Variants in MIF4GD observed in about 807,000 individuals in gnomAD.
MIF4GD encodes the protein MIF4G domain-containing protein.
A neutral mutation model predicts 26.7 loss-of-function variants in MIF4GD; 22 were observed. The observed-to-expected ratio is 0.82, with a 90% CI of 0.59 to 1.18. MIF4GD has a LOEUF of 1.18. Ranked by LOEUF, MIF4GD falls within the 50% of genes most tolerant of loss-of-function variation. MIF4GD has a pLI of 0.00. For missense variants in MIF4GD, 262 were observed against 279.6 expected, an observed-to-expected ratio of 0.94 and a Z score of 0.45; for synonymous variants, 137 against 111.6, an observed-to-expected ratio of 1.23 and a Z score of -1.43.
rs769187304 is a variant in MIF4GD, at chr17:75,269,353, A to G, written c.82+761T>C. The G allele has an allele frequency of 5.0e-6, 8 of 1,613,926 alleles. No individual in the cohort carries two copies. The Admixed American group carries it at 1.3e-4, about 27-fold the overall frequency. ...TTATTAGTTGAAGACAAACCTCTGT[A>G]CTGCGTGTTACAGCGGGAAGGCATC... is the stretch of plus-strand genomic sequence containing the variant. On this transcript the variant is annotated intron_variant, in intron 2 of 5. Coordinates refer to ENST00000325102, the MANE Select transcript of MIF4GD (RefSeq NM_001370592.1).
chr17:75,270,218 T>C lies in MIF4GD; in HGVS notation c.-23A>G, dbSNP rs1315298247. 5 of 1,596,704 alleles carry C rather than the reference T, an allele frequency of 3.1e-6. No individual in the cohort carries two copies. The highest frequency in any genetic ancestry group is 2.2e-5 in the East Asian group (1 of 44,782). On this transcript the variant is annotated 5_prime_UTR_variant, in exon 2 of 6. Coordinates refer to ENST00000325102, the MANE Select transcript of MIF4GD (RefSeq NM_001370592.1). This position sits in a 1 kb window ranked among gnomAD's most constrained non-coding sequence, Gnocchi z 5.7. ...CATGACTAGCCAGCCCCGGTAGCTC[T>C]TGACTGGGCTGGGAATAAGGACAGC...
Position 75,270,482 on chromosome 17 carries a change from A to G in MIF4GD, c.-50-237T>C, listed in dbSNP as rs1163784672. 2.7e-6 allele frequency: 1 copy of G among 368,804 alleles called. No homozygotes were observed. Among genetic ancestry groups the G allele is most frequent in the East Asian group, 6.0e-5 (1 of 16,624 alleles). The allele number at this position is 368,804 out of a possible 1,614,324, so 22.8% of individuals were successfully genotyped here. On this transcript the variant is annotated intron_variant, in intron 1 of 5. Transcript: ENST00000325102. The surrounding 1 kb of genome is among the most constrained non-coding windows in gnomAD (Gnocchi z 5.7). Reference sequence around the variant, plus strand: ...GCTTGTGGGATTACACAAGAGCGAGAAGCTGAAGCAGGAAAGCGCCCACCC... The same window carrying G: ...GCTTGTGGGATTACACAAGAGCGAGGAGCTGAAGCAGGAAAGCGCCCACCC...
chr17:75,267,938 C>G (rs777207640), intron 3 of MIF4GD, 37 bp from the exon 4 acceptor site: 1 of 1,601,618 alleles, frequency 6.2e-7, no homozygotes, highest in Non-Finnish European at 8.5e-7. Flanking sequence ...GGGTGGGGGG[C>G]GGTGCCCCTG....
At position 75,271,124 on chromosome 17, in the gene MIF4GD, G is replaced by C. The variant is rs1482863199; in HGVS notation, c.-51+20C>G. ...CAGGGTCCCGCGGGCGGGAGAGGCG[G>C]CGTGGGAGCCGGGACCCACCTGCCG... is the stretch of plus-strand genomic sequence containing the variant. On this transcript the variant is annotated intron_variant, in intron 1 of 5. Transcript: ENST00000325102. This position sits in a 1 kb window ranked among gnomAD's most constrained non-coding sequence, Gnocchi z 4.2. 2.0e-5 allele frequency: 3 copies of C among 150,040 alleles called. No individual in the cohort carries two copies. Among genetic ancestry groups the C allele is most frequent in the African/African-American group, 7.3e-5 (3 of 41,238 alleles). The allele number at this position is 150,040 out of a possible 1,614,324, so 9.3% of individuals were successfully genotyped here. A position where few individuals can be genotyped will look rare whatever the true frequency, so the allele number is the denominator to read the frequency against.
In MIF4GD at chr17:75,267,885, G is replaced by GC; in HGVS notation, c.208dup (p.Ala70GlyfsTer44). ...TCCACGTCGGAAGACACTCTGGCCTGCTTGTTTACTCTCTGCCTGTGAGCC... is the reference window on the plus strand; with the variant it reads ...TCCACGTCGGAAGACACTCTGGCCTGCCTTGTTTACTCTCTGCCTGTGAGCC... On this transcript the variant is annotated frameshift_variant, in exon 4 of 6. Coordinates refer to ENST00000325102, the MANE Select transcript of MIF4GD (RefSeq NM_001370592.1). LOFTEE classifies it high-confidence loss of function. 1 of 1,612,792 alleles carries GC rather than the reference G, an allele frequency of 6.2e-7. No homozygotes were observed. Among genetic ancestry groups the GC allele is most frequent in the Non-Finnish European group, 8.5e-7 (1 of 1,179,604 alleles).
rs1360557586 is a variant in MIF4GD, at chr17:75,268,199, G to A, written c.83-7C>T. On this transcript the variant is annotated splice_region_variant and splice_polypyrimidine_tract_variant and intron_variant, in intron 2 of 5. Transcript: ENST00000325102. The stretch of plus-strand genomic sequence containing the variant: ...AAGTCCACAGCACCCGGATCTAGGG[G>A]TAGAGATAGGAGGGGAGTCTAGAGC... 4.3e-6 allele frequency: 7 copies of A among 1,609,854 alleles called. No homozygotes were observed. Among genetic ancestry groups the A allele is most frequent in the African/African-American group, 1.3e-5 (1 of 74,944 alleles).
In MIF4GD at chr17:75,267,727, G is replaced by T. The variant is rs747551370; in HGVS notation, c.348+19C>A. 3 of 1,612,190 alleles carry T rather than the reference G, an allele frequency of 1.9e-6. No individual in the cohort carries two copies. Among genetic ancestry groups the T allele is most frequent in the Middle Eastern group, 1.7e-4 (1 of 6,054 alleles). On this transcript the variant is annotated intron_variant, in intron 4 of 5. Coordinates refer to ENST00000325102, the MANE Select transcript of MIF4GD (RefSeq NM_001370592.1). The stretch of plus-strand genomic sequence containing the variant: ...AAACAGGCCATGTCTGCCTCCCAGG[G>T]TGGCTGCCGGGGCCTCACCCTCAGG...
Position 75,266,739 on chromosome 17 carries a change from C to T in MIF4GD, c.*1G>A, listed in dbSNP as rs1567819404. 6.2e-7 allele frequency: 1 copy of T among 1,614,132 alleles called. No homozygotes were observed. The highest frequency in any genetic ancestry group is 2.2e-5 in the East Asian group (1 of 44,888). On this transcript the variant is annotated 3_prime_UTR_variant, in exon 6 of 6. Transcript: ENST00000325102. ...TGGTGAGGAAGCCCTGATCTGGAGG[C>T]CTAGTCGGAGACTTCGCTGTAGTAA...
At chr17:75,268,239 A>G (rs1220370444) in intron 2 of MIF4GD, 47 bp from the exon 3 acceptor site, 1 of 1,411,202 alleles carries the variant, frequency 7.1e-7, no homozygotes, top group Non-Finnish European at 1.0e-6. Context: ...GCTTTATCAC[A>G]TTTGTGTCCA....
At position 75,267,595 on chromosome 17, in the gene MIF4GD, A is replaced by C; in HGVS notation, c.384T>G (p.Pro128=). 1 of 1,614,218 alleles carries C rather than the reference A, an allele frequency of 6.2e-7. No homozygotes were observed. The highest frequency in any genetic ancestry group is 2.2e-5 in the East Asian group (1 of 44,882). ...NNMPMMALVN[P]VYDCLFRLAQ... ...CCAGCCGGAAGAGGCAGTCATAGAC[A>C]GGGTTCACCAGGGCCATCATGGGCA... Residue 128 remains proline, a synonymous_variant, in exon 5 of 6, where the codon CCT becomes CCG. Coordinates refer to ENST00000325102, the MANE Select transcript of MIF4GD (RefSeq NM_001370592.1).
rs2077712311 is a variant in MIF4GD at position 75,270,906 on chromosome 17, C to CG, written c.-51+237_-51+238insC. On this transcript the variant is annotated intron_variant, in intron 1 of 5. Transcript: ENST00000325102. This position sits in a 1 kb window ranked among gnomAD's most constrained non-coding sequence, Gnocchi z 5.7. The stretch of plus-strand genomic sequence containing the variant: ...ACCCGGCCCTACGCACTCGAGACTC[C>CG]TAATTCCTGAGCTCCATTCTGGAGC... 6.6e-6 allele frequency: 1 copy of CG among 152,406 alleles called. No homozygotes were observed. Among genetic ancestry groups the CG allele is most frequent in the African/African-American group, 2.4e-5 (1 of 41,468 alleles). The allele number at this position is 152,406 out of a possible 1,614,324, so 9.4% of individuals were successfully genotyped here.
Position 75,268,129 on chromosome 17 carries a change from C to G in MIF4GD, c.146G>C (p.Cys49Ser), listed in dbSNP as rs746812644. 1.2e-6 allele frequency: 2 copies of G among 1,614,246 alleles called. No homozygotes were observed. The highest frequency in any genetic ancestry group is 3.3e-5 in the Admixed American group (2 of 60,032). ...NVIVDHSLQDCVFSKEAGRMC... is the reference protein window; with the variant it reads ...NVIVDHSLQDSVFSKEAGRMC... ...GCGTCCTGCTTCCTTGCTGAACACACAGTCCTGCAGAGAATGGTCCACAAT... is the reference window on the plus strand; with the variant it reads ...GCGTCCTGCTTCCTTGCTGAACACAGAGTCCTGCAGAGAATGGTCCACAAT... Residue 49 changes from cysteine to serine, a missense_variant, in exon 3 of 6, where the codon TGT becomes TCT. Coordinates refer to ENST00000325102, the MANE Select transcript of MIF4GD (RefSeq NM_001370592.1).
In MIF4GD at chr17:75,266,879, A is replaced by C. The variant is rs780889452; in HGVS notation, c.530T>G (p.Ile177Ser). ...AGTTGGGAGCAGGAAGCCATCCCGG[A>C]TCAGCACAAAGAGCTCATCCATGCG... Reference protein sequence around the residue: ...GQRMDELFVLIRDGFLLPTGL... With the variant: ...GQRMDELFVLSRDGFLLPTGL... The change falls in exon 6 of 6, where the codon ATC becomes AGC. Residue 177 changes from isoleucine (I) to serine (S), a missense_variant. Transcript: ENST00000325102. 1 of 1,614,164 alleles carries C rather than the reference A, an allele frequency of 6.2e-7. No individual in the cohort carries two copies. The highest frequency in any genetic ancestry group is 2.2e-5 in the East Asian group (1 of 44,876).
At position 75,267,831 on chromosome 17, in the gene MIF4GD, T is replaced by C; in HGVS notation, c.263A>G (p.Gln88Arg). The C allele has an allele frequency of 6.2e-7, 1 of 1,614,046 alleles. No individual in the cohort carries two copies. The highest frequency in any genetic ancestry group is 8.5e-7 in the Non-Finnish European group (1 of 1,180,016). The stretch of plus-strand genomic sequence containing the variant: ...GCGTGCTCGCAGCTGCTCCCGAGCC[T>C]GGTACTCCTGCTGCAGCCGGTTGAG... ...GLLNRLQQEY[Q>R]AREQLRARSL... The change falls in exon 4 of 6, where the codon CAG (glutamine) becomes CGG (arginine). Residue 88 changes from glutamine to arginine, a missense_variant. Gln to Arg is a conservative substitution (Grantham distance 43, BLOSUM62 1). Coordinates refer to ENST00000325102, the MANE Select transcript of MIF4GD (RefSeq NM_001370592.1).
chr17:75,270,175 C>G lies in MIF4GD; in HGVS notation c.21G>C (p.Glu7Asp), dbSNP rs771329002. The change falls in exon 2 of 6, where the codon GAG (glutamate) becomes GAC (aspartate). Residue 7 changes from glutamate to aspartate, a missense_variant. Glu to Asp is a conservative substitution (Grantham distance 45). Transcript: ENST00000325102. The surrounding 1 kb of genome is among the most constrained non-coding windows in gnomAD (Gnocchi z 5.7). ...CATCAAAGGACTGGATTTTATACTC[C>G]TCTCTACTGGGCTCCCCCATGACTA... The part of the protein sequence containing the change: MGEPSR[E>D]EYKIQSFDAE... 3 of 1,613,970 alleles carry G rather than the reference C, an allele frequency of 1.9e-6. No individual in the cohort carries two copies. The highest frequency in any genetic ancestry group is 1.7e-5 in the Admixed American group (1 of 60,006).
rs540301381 is a variant in MIF4GD at position 75,268,941 on chromosome 17, T to G, written c.83-749A>C. On this transcript the variant is annotated intron_variant, in intron 2 of 5. Coordinates refer to ENST00000325102, the MANE Select transcript of MIF4GD (RefSeq NM_001370592.1). ...ATTGCTTGAACCTGGGAGGCGGAGG[T>G]TGCAGTGAGCCAAGATCGTGCCATT... Among the ~76,000 whole-genome samples the G allele has an allele frequency of 2.0e-5, 3 of 151,218 alleles. No homozygotes were observed. The South Asian group carries it at 6.3e-4, about 32-fold the overall frequency.
At chr17:75,269,330 A>G (rs1297365070) in intron 2 of MIF4GD, 1 of 1,612,802 alleles carries the variant, frequency 6.2e-7, no homozygotes, top group Admixed American at 1.7e-5. Flanking sequence ...GTTGCTAATT[A>G]TTAGTTGAAG....
intron 2 of MIF4GD, among the ~76,000 whole-genome samples, chr17:75,268,872 C>T (rs1390922265): frequency 5.3e-5 from 8 of 149,642 alleles, no homozygotes; most frequent in South Asian, 4.3e-4. Flanking sequence ...GGCACGGTGG[C>T]GGGCCCCTGT....
Position 75,268,030 on chromosome 17 carries a change from A to G in MIF4GD, c.192+53T>C, listed in dbSNP as rs1357132125. ...GTCCTGCAGGCCAGGCCTTCTGCCC[A>G]CTCCTGAAGCACCTTCCTCAAAGCA... On this transcript the variant is annotated intron_variant, in intron 3 of 5. Transcript: ENST00000325102. 8 of 1,606,540 alleles carry G rather than the reference A, an allele frequency of 5.0e-6. No homozygotes were observed. In the East Asian group the frequency reaches 1.8e-4, roughly 36 times the overall value.
Sources: allele counts gnomAD v4.1 joint callset (sites outside exome capture counted in the v4.1 genomes callset), GRCh38; gene constraint gnomAD v4.1.1; non-coding constraint Gnocchi (gnomAD v3.1); transcripts MANE v1.5; gene names NCBI Gene and HGNC (gene_info 2026-07-23, HGNC 2026-07-21).